ARIH1: variants seen among roughly 807,000 people sequenced by gnomAD.
ARIH1 encodes the protein ariadne RBR E3 ubiquitin protein ligase 1, also known as E3 ubiquitin-protein ligase ARIH1.
In ARIH1, 8 loss-of-function variants were observed where a neutral mutation model predicts 85.0. That is an observed-to-expected ratio of 0.09 (90% CI 0.06 to 0.17). The LOEUF is 0.17. Ranked by LOEUF, ARIH1 falls within the 10% of genes least tolerant of loss-of-function variation. ARIH1 has a pLI of 1.00. For missense variants in ARIH1, 311 were observed against 718.1 expected (o/e 0.43, Z 6.48); for synonymous variants, 238 against 253.6 (o/e 0.94, Z 0.59).
chr15:72,541,508 A>G (rs1179578396), intron 2 of ARIH1, among the ~76,000 whole-genome samples: 1 of 152,250 alleles, frequency 6.6e-6, no homozygotes, highest in Admixed American at 6.5e-5. Flanking sequence ...TAATTGTAGT[A>G]AAAGTTCCAA....
intron 2 of ARIH1, among the ~76,000 whole-genome samples, chr15:72,520,086 T>C (rs1481116529): frequency 1.3e-5 from 2 of 152,304 alleles, no homozygotes; most frequent in East Asian, 3.9e-4. Flanking sequence ...GAACTGTAGC[T>C]TCTGCTCAGT....
rs967532979 is a variant in ARIH1, at chr15:72,474,896, G to T, written c.257G>T (p.Gly86Val). ...GGTGGCGGCGGCGGCGGCGGCGGCG[G>T]TGGTGGTGGCGGGCCGGGGCATGAG... The part of the protein sequence containing the change: ...PGGGGGGGGG[G>V]GGGGPGHEQE... Residue 86 changes from glycine (G) to valine (V), a missense_variant, in exon 1 of 14, where the codon GGT becomes GTT. Around this residue, in one of 3 missense-constraint regions of ARIH1, gnomAD observed 157 missense variants for 185.1 expected, o/e 0.85. Coordinates refer to ENST00000379887, the MANE Select transcript of ARIH1 (RefSeq NM_005744.5). 120 of 1,442,496 alleles carry T rather than the reference G, an allele frequency of 8.3e-5. No homozygotes were observed. The highest frequency in any genetic ancestry group is 1.0e-4 in the Non-Finnish European group (113 of 1,092,256). 89.4% of individuals were successfully genotyped at this position (1,442,496 alleles called of 1,614,324 possible). A position where few individuals can be genotyped will look rare whatever the true frequency, so the allele number is the denominator to read the frequency against.
At chr15:72,494,873 C>T (rs146265512) in intron 1 of ARIH1, among the ~76,000 whole-genome samples, 4 of 151,462 alleles carry the variant, frequency 2.6e-5, no homozygotes, top group African/African-American at 9.7e-5. Context: ...TCATTTAGAA[C>T]CACATTCAGT....
chr15:72,496,277 A>G (rs571029204), intron 1 of ARIH1, among the ~76,000 whole-genome samples: 13 of 152,308 alleles, frequency 8.5e-5, no homozygotes, highest in African/African-American at 2.9e-4. Context: ...ATATTGTTTT[A>G]AGCCCCCAAA....
chr15:72,485,133 G>A (rs2592058), intron 1 of ARIH1, among the ~76,000 whole-genome samples: 140,028 of 152,268 alleles, frequency 0.92, 65,527 homozygotes, highest in East Asian at 1. Context: ...TGGCGTGACT[G>A]AAGTTGTATA....
At chr15:72,556,130 C>G (rs897761204) in intron 5 of ARIH1, among the ~76,000 whole-genome samples, 1 of 152,124 alleles carries the variant, frequency 6.6e-6, no homozygotes, top group African/African-American at 2.4e-5. Context: ...TTTTGATAAA[C>G]CTTGGGATTG....
At chr15:72,580,566 C>A in intron 11 of ARIH1, 165 bp from the exon 12 acceptor site, 1 of 656,782 alleles carries the variant, frequency 1.5e-6, no homozygotes. Context: ...TATCAAGAGT[C>A]TCCTTCTTTC....
At chr15:72,495,537 T>C (rs548979365) in intron 1 of ARIH1, among the ~76,000 whole-genome samples, 4 of 152,338 alleles carry the variant, frequency 2.6e-5, no homozygotes, top group Admixed American at 2.6e-4. Context: ...TACAAATGGT[T>C]AGATCTCCTA....
chr15:72,486,621 GCTCT>G (rs1018396974), intron 1 of ARIH1, among the ~76,000 whole-genome samples: 38 of 148,070 alleles, frequency 2.6e-4, no homozygotes, highest in African/African-American at 8.8e-4. Context: ...AATTCTTAAT[GCTCT>G]CTAACATCTG....
Position 72,597,729 on chromosome 15 carries a change from T to C in ARIH1, c.*14437T>C, listed in dbSNP as rs186143325. ...CTGGTTATCATCTAAGGGGTAAGAT[T>C]GGTGGGAAGCCTTCCTCTGTGGATT... On this transcript the variant is annotated 3_prime_UTR_variant, in exon 14 of 14. Transcript: ENST00000379887. 3.9e-5 allele frequency: 6 copies of C among 152,294 alleles called. No individual in the cohort carries two copies. The East Asian group carries it at 9.7e-4, about 25-fold the overall frequency. 9.4% of individuals were successfully genotyped at this position (152,294 alleles called of 1,614,324 possible). A position where few individuals can be genotyped will look rare whatever the true frequency, so the allele number is the denominator to read the frequency against.
At position 72,505,720 on chromosome 15, in the gene ARIH1, G is replaced by A. The variant is rs564365931; in HGVS notation, c.376-12347G>A. ...CAAATTATGACCTGTTTCTCTTGCC[G>A]TTGTCACTGGATAGTGTCTTTTTTT... On this transcript the variant is annotated intron_variant, in intron 1 of 13. Transcript: ENST00000379887. Among the ~76,000 whole-genome samples, 122 of 152,146 alleles carry A rather than the reference G, an allele frequency of 8.0e-4. 1 individual carries two copies. Among genetic ancestry groups the A allele is most frequent in the African/African-American group, 2.7e-3 (114 of 41,522 alleles).
chr15:72,581,935 GA>G, intron 12 of ARIH1, 139 bp from the exon 13 acceptor site: 1 of 547,120 alleles, frequency 1.8e-6, no homozygotes, highest in South Asian at 2.7e-5. Context: ...AAAGCCCATA[GA>G]GCTTTACAGG....
chr15:72,482,621 A>G (rs372340917), intron 1 of ARIH1, among the ~76,000 whole-genome samples: 1 of 152,186 alleles, frequency 6.6e-6, no homozygotes, highest in East Asian at 1.9e-4. Context: ...AAGTCATCAC[A>G]TTAGATTCTT....
intron 11 of ARIH1, among the ~76,000 whole-genome samples, chr15:72,574,661 T>C (rs1336057781): frequency 6.6e-6 from 1 of 152,242 alleles, no homozygotes; most frequent in Non-Finnish European, 1.5e-5. Flanking sequence ...AGATGGTGTA[T>C]ATTTTTAGCT....
At chr15:72,512,487 C>T (rs1168725469) in intron 1 of ARIH1, among the ~76,000 whole-genome samples, 3 of 143,562 alleles carry the variant, frequency 2.1e-5, no homozygotes, top group African/African-American at 7.7e-5. Context: ...ATCTTTAGCA[C>T]TAGCTTTTGG....
intron 11 of ARIH1, among the ~76,000 whole-genome samples, chr15:72,572,828 A>G (rs907923997): frequency 1.3e-5 from 2 of 152,222 alleles, no homozygotes; most frequent in African/African-American, 4.8e-5. Flanking sequence ...TTGTTCATCA[A>G]GAAGCGCTGA....
chr15:72,571,032 G>A (rs1033041680), intron 10 of ARIH1, among the ~76,000 whole-genome samples: 6 of 150,366 alleles, frequency 4.0e-5, no homozygotes, highest in African/African-American at 1.5e-4. Flanking sequence ...GGGAGGCTGA[G>A]GCAGGAGAAT....
At chr15:72,579,411 C>G (rs890137180) in intron 11 of ARIH1, among the ~76,000 whole-genome samples, 6 of 152,176 alleles carry the variant, frequency 3.9e-5, no homozygotes, top group Non-Finnish European at 7.3e-5. Context: ...ATTATACTTT[C>G]TATTGTATTA....
intron 11 of ARIH1, among the ~76,000 whole-genome samples, chr15:72,573,224 A>G (rs1438300172): frequency 6.6e-6 from 1 of 152,198 alleles, no homozygotes; most frequent in Non-Finnish European, 1.5e-5. Context: ...CTAGTCTGTC[A>G]TATTGCTAGA....
Sources: allele counts gnomAD v4.1 joint callset (sites outside exome capture counted in the v4.1 genomes callset), GRCh38; gene constraint gnomAD v4.1.1; regional missense constraint gnomAD v4.1.1; transcripts MANE v1.5; gene names NCBI Gene and HGNC (gene_info 2026-07-23, HGNC 2026-07-21).